Variants in IPO8 observed in about 807,000 individuals in gnomAD.
IPO8 encodes the protein importin-8.
In IPO8, 65 loss-of-function variants were observed where a neutral mutation model predicts 141.2. The ratio of observed to expected loss-of-function variants is 0.46; its 90% CI spans 0.38 to 0.57. The LOEUF is 0.57. IPO8 is among the 20% of genes least tolerant of loss of function. The pLI is 0.00. For missense variants in IPO8, 980 were observed against 1,246.8 expected (o/e 0.79, Z 3.22); for synonymous variants, 411 against 420.3 (o/e 0.98, Z 0.27).
intron 22 of IPO8, among the ~76,000 whole-genome samples, chr12:30,636,764 A>C (rs1157595965): frequency 6.6e-6 from 1 of 152,168 alleles, no homozygotes; most frequent in Non-Finnish European, 1.5e-5. Flanking sequence ...CATAAAAAAA[A>C]CCGCTGAGTA....
intron 2 of IPO8, chr12:30,686,762 A>G (rs2053246450): frequency 6.6e-6 from 1 of 152,198 alleles, no homozygotes; most frequent in Non-Finnish European, 1.5e-5. Flanking sequence ...CAGTAAAAAT[A>G]CAGACACGGT....
At chr12:30,669,084 G>A in intron 10 of IPO8, 99 bp downstream of exon 10, 1 of 533,098 alleles carries the variant, frequency 1.9e-6, no homozygotes, top group Non-Finnish European at 3.2e-6. Flanking sequence ...CAGAACCTGG[G>A]AGATTTAATA....
rs1404555004 is a variant in IPO8, at chr12:30,639,741, A to T, written c.2269-6T>A. The T allele has an allele frequency of 4.3e-6, 7 of 1,611,132 alleles. No individual in the cohort carries two copies. The highest frequency in any genetic ancestry group is 5.9e-6 in the Non-Finnish European group (7 of 1,177,646). ...TGAACGAAGAGTGGAATGCACTAGA[A>T]GACAAGCAAAAGAAAGTCAACCACA... On this transcript the variant is annotated splice_polypyrimidine_tract_variant and splice_region_variant and intron_variant, in intron 20 of 24. Coordinates refer to ENST00000256079, the MANE Select transcript of IPO8 (RefSeq NM_006390.4).
rs1167607507 is a variant in IPO8, at chr12:30,674,761, G to A, written c.730-8C>T. On this transcript the variant is annotated splice_polypyrimidine_tract_variant and splice_region_variant and intron_variant, in intron 6 of 24. Transcript: ENST00000256079. ...ATCAATGTGCAGAGTCTCCTAACAGGACAAAATTACCCAGATTAAAGTTCT... is the reference window on the plus strand; with the variant it reads ...ATCAATGTGCAGAGTCTCCTAACAGAACAAAATTACCCAGATTAAAGTTCT... 3 of 1,578,092 alleles carry A rather than the reference G, an allele frequency of 1.9e-6. No individual in the cohort carries two copies. Among genetic ancestry groups the A allele is most frequent in the African/African-American group, 2.7e-5 (2 of 74,162 alleles).
intron 8 of IPO8, 35 bp from the exon 9 acceptor site, chr12:30,671,131 C>A: frequency 6.9e-7 from 1 of 1,455,618 alleles, no homozygotes. Context: ...CTAACATAAA[C>A]AATTATAAGG....
chr12:30,674,095 T>C, intron 7 of IPO8, 21 bp from the exon 8 acceptor site: 2 of 1,427,464 alleles, frequency 1.4e-6, no homozygotes, highest in South Asian at 1.2e-5. Flanking sequence ...AAAGAGAAAA[T>C]GTACAAATAC....
intron 11 of IPO8, 87 bp from the exon 12 acceptor site, chr12:30,665,932 T>G (rs2052958251): frequency 1.2e-6 from 1 of 865,198 alleles, no homozygotes. Flanking sequence ...TTTTTAAAAA[T>G]AAAGCCATTT....
chr12:30,636,339 A>G (rs575561879), intron 22 of IPO8, among the ~76,000 whole-genome samples: 3 of 152,238 alleles, frequency 2.0e-5, no homozygotes, highest in African/African-American at 7.2e-5. Context: ...CTGGAATAGG[A>G]GAATGCTACT....
chr12:30,640,432 T>C (rs923837708), intron 20 of IPO8, among the ~76,000 whole-genome samples: 18 of 152,264 alleles, frequency 1.2e-4, no homozygotes, highest in African/African-American at 4.3e-4. Context: ...TATTATTTTC[T>C]TTTTAGTAGG....
At chr12:30,671,517 C>CA (rs1213050519) in intron 8 of IPO8, among the ~76,000 whole-genome samples, 5 of 151,400 alleles carry the variant, frequency 3.3e-5, no homozygotes, top group South Asian at 2.1e-4. Context: ...ACTGAAAACA[C>CA]AAAAAAATTA....
chr12:30,635,615 T>C (rs1453048101), intron 22 of IPO8, among the ~76,000 whole-genome samples: 2 of 151,996 alleles, frequency 1.3e-5, no homozygotes, highest in Non-Finnish European at 2.9e-5. Context: ...AGGCAGTAAA[T>C]GCAGAACAAA....
At position 30,663,374 on chromosome 12, in the gene IPO8, G is replaced by T; in HGVS notation, c.1594+115C>A. The T allele has an allele frequency of 3.6e-6, 3 of 827,218 alleles. 1 individual carries two copies. The South Asian group carries it at 6.1e-5, about 17-fold the overall frequency. The allele number at this position is 827,218 out of a possible 1,614,324, so 51.2% of individuals were successfully genotyped here. Reference sequence around the variant, plus strand: ...ATAAATTCCTACAAAATTCTGAGAGGGCAAAACCTCAGAATTCCAAACCCT... The same window carrying T: ...ATAAATTCCTACAAAATTCTGAGAGTGCAAAACCTCAGAATTCCAAACCCT... On this transcript the variant is annotated intron_variant, in intron 14 of 24. Coordinates refer to ENST00000256079, the MANE Select transcript of IPO8 (RefSeq NM_006390.4).
chr12:30,644,646 T>G (rs1390531457), intron 20 of IPO8, among the ~76,000 whole-genome samples: 3 of 96,036 alleles, frequency 3.1e-5, no homozygotes, highest in South Asian at 2.8e-4. Context: ...TGGTGTTTTT[T>G]TTTTTTGTTT....
chr12:30,657,238 T>G (rs2052812531), intron 16 of IPO8, among the ~76,000 whole-genome samples: 2 of 152,218 alleles, frequency 1.3e-5, no homozygotes, highest in South Asian at 4.1e-4. Flanking sequence ...ATAAAATTAG[T>G]GAATTTTTAA....
chr12:30,684,221 G>A, intron 3 of IPO8, 80 bp downstream of exon 3: 1 of 1,259,316 alleles, frequency 7.9e-7, no homozygotes, highest in Non-Finnish European at 1.1e-6. Context: ...ATGAGGCCAA[G>A]GATTAGATCC....
chr12:30,641,489 ATTTCTT>A (rs2052573419), intron 20 of IPO8, among the ~76,000 whole-genome samples: 1 of 97,026 alleles, frequency 1.0e-5, no homozygotes. Context: ...AAATTAAGCT[ATTTCTT>A]TTTTTTTTTT....
chr12:30,670,040 A>C (rs552991544), intron 9 of IPO8, among the ~76,000 whole-genome samples: 66 of 152,358 alleles, frequency 4.3e-4, no homozygotes, highest in African/African-American at 1.5e-3. Flanking sequence ...GTAAAAATAA[A>C]GCCAAAGGTA....
At chr12:30,687,413 AC>A (rs1438552882) in intron 2 of IPO8, among the ~76,000 whole-genome samples, 1 of 152,170 alleles carries the variant, frequency 6.6e-6, no homozygotes, top group African/African-American at 2.4e-5. Flanking sequence ...CTCCTTCAGC[AC>A]AATGAATCAT....
At chr12:30,667,449 G>T (rs1329267079) in intron 10 of IPO8, among the ~76,000 whole-genome samples, 1 of 152,172 alleles carries the variant, frequency 6.6e-6, no homozygotes, top group East Asian at 1.9e-4. Context: ...TGGTTAAAGA[G>T]TAGATAAAAA....
Sources: gnomAD v4.1 joint callset for allele counts (sites outside exome capture counted in the v4.1 genomes callset) on GRCh38, gnomAD v4.1.1 for gene constraint, MANE v1.5 for transcripts, NCBI Gene and HGNC (gene_info 2026-07-23, HGNC 2026-07-21) for gene names.